IBSP: variants seen among roughly 807,000 people sequenced by gnomAD.
IBSP encodes the protein integrin-binding sialoprotein.
A neutral mutation model predicts 25.5 loss-of-function variants in IBSP; 19 were observed. The ratio of observed to expected loss-of-function variants is 0.74; its 90% CI spans 0.52 to 1.09. The LOEUF (loss-of-function observed/expected upper bound fraction) is 1.09, where lower values mean the gene tolerates loss of function less well. Among genes scored for constraint, IBSP ranks in the 50% least tolerant of loss-of-function variants. The pLI is 0.00. For missense variants in IBSP, 360 were observed against 382.3 expected (o/e 0.94, Z 0.49); for synonymous variants, 144 against 137.6 (o/e 1.05, Z -0.33).
Position 87,811,535 on chromosome 4 carries a change from CG to C in IBSP, c.581del (p.Gly194GlufsTer153). ...TEAENGNGSS[G>X]GDNGEEGEEE... ...AGGCAGAAAACGGCAACGGCAGCAG[CG>C]GAGGAGACAATGGAGAAGAAGGGGA... is the stretch of plus-strand genomic sequence containing the variant. On this transcript the variant is annotated frameshift_variant, in exon 7 of 7. Transcript: ENST00000226284. LOFTEE classifies it low-confidence loss of function (END_TRUNC). 6.2e-7 allele frequency: 1 copy of C among 1,613,832 alleles called. No individual in the cohort carries two copies. Among genetic ancestry groups the C allele is most frequent in the Non-Finnish European group, 8.5e-7 (1 of 1,179,922 alleles).
At chr4:87,808,184 CTT>C (rs547277695) in intron 5 of IBSP, among the ~76,000 whole-genome samples, 2 of 143,594 alleles carry the variant, frequency 1.4e-5, no homozygotes, top group African/African-American at 2.5e-5. Flanking sequence ...ATAAAATAAA[CTT>C]TTTTTTTTTT....
At position 87,812,182 on chromosome 4, in the gene IBSP, TG is replaced by T; in HGVS notation, c.*273del. 1 of 357,634 alleles carries T rather than the reference TG, an allele frequency of 2.8e-6. No individual in the cohort carries two copies. The highest frequency in any genetic ancestry group is 5.0e-6 in the Non-Finnish European group (1 of 201,608). 22.2% of individuals were successfully genotyped at this position (357,634 alleles called of 1,614,324 possible). A position where few individuals can be genotyped will look rare whatever the true frequency, so the allele number is the denominator to read the frequency against. ...CAAATTTCATTGAATGGTTTGAGGT[TG>T]TAGCTCTATAAATAGTAGTTTTTAA... On this transcript the variant is annotated 3_prime_UTR_variant, in exon 7 of 7. Coordinates refer to ENST00000226284, the MANE Select transcript of IBSP (RefSeq NM_004967.4).
chr4:87,811,801 A>C lies in IBSP; in HGVS notation c.845A>C (p.Asn282Thr), dbSNP rs1208358729. The C allele has an allele frequency of 6.2e-7, 1 of 1,613,096 alleles. No homozygotes were observed. The highest frequency in any genetic ancestry group is 1.3e-5 in the African/African-American group (1 of 74,876). ...DNGYEIYESE[N>T]GEPRGDNYRA... ...GGATATGAAATCTATGAAAGTGAGA[A>C]CGGGGAACCTCGTGGGGACAATTAC... Residue 282 changes from asparagine to threonine, a missense_variant, in exon 7 of 7, where the codon AAC (asparagine) becomes ACC (threonine). Asn to Thr is a moderately conservative substitution (Grantham distance 65, BLOSUM62 0). Coordinates refer to ENST00000226284, the MANE Select transcript of IBSP (RefSeq NM_004967.4).
At chr4:87,802,595 A>G in intron 3 of IBSP, 37 bp downstream of exon 3, 1 of 1,579,774 alleles carries the variant, frequency 6.3e-7, no homozygotes, top group Non-Finnish European at 8.6e-7. Context: ...GCCTGATTAT[A>G]CTTGCTGTAT....
chr4:87,809,393 A>G (rs1228178465), intron 5 of IBSP, among the ~76,000 whole-genome samples: 1 of 152,208 alleles, frequency 6.6e-6, no homozygotes, highest in African/African-American at 2.4e-5. Flanking sequence ...ATATAAGCCA[A>G]TCAGATTTTT....
At position 87,811,345 on chromosome 4, in the gene IBSP, C is replaced by A; in HGVS notation, c.406-17C>A. The A allele has an allele frequency of 6.3e-7, 1 of 1,578,248 alleles. No individual in the cohort carries two copies. The highest frequency in any genetic ancestry group is 8.6e-7 in the Non-Finnish European group (1 of 1,166,564). On this transcript the variant is annotated splice_polypyrimidine_tract_variant and intron_variant, in intron 6 of 6. Transcript: ENST00000226284. The stretch of plus-strand genomic sequence containing the variant: ...TTTCACAGCTAGATTTGGGTTCTTT[C>A]AAACGTTTCCTTACAGGCTGGGGAT...
chr4:87,811,939 T>C lies in IBSP; in HGVS notation c.*29T>C, dbSNP rs1380756112. 6.7e-7 allele frequency: 1 copy of C among 1,490,438 alleles called. No individual in the cohort carries two copies. Among genetic ancestry groups the C allele is most frequent in the East Asian group, 2.3e-5 (1 of 43,320 alleles). 92.3% of individuals were successfully genotyped at this position (1,490,438 alleles called of 1,614,324 possible). On this transcript the variant is annotated 3_prime_UTR_variant, in exon 7 of 7. Coordinates refer to ENST00000226284, the MANE Select transcript of IBSP (RefSeq NM_004967.4). ...TCCAGCCTGGGATGAATTCATCCAT[T>C]CTGGCTTTGCATCCGGCTACCATTT...
intron 5 of IBSP, among the ~76,000 whole-genome samples, chr4:87,808,120 T>G (rs1722114068): frequency 6.6e-6 from 1 of 152,172 alleles, no homozygotes; most frequent in African/African-American, 2.4e-5. Flanking sequence ...TTAGGCATAT[T>G]TTCTATTTGG....
At position 87,808,428 on chromosome 4, in the gene IBSP, G is replaced by A. The variant is rs187236675; in HGVS notation, c.247-2178G>A. ...GATCTCCTGACCTCGTGATCCGCCC[G>A]CCTCGGCCTCCCAAAGTGCTGGGAT... On this transcript the variant is annotated intron_variant, in intron 5 of 6. Transcript: ENST00000226284. Among the ~76,000 whole-genome samples, 221 of 152,182 alleles carry A rather than the reference G, an allele frequency of 1.5e-3. 1 individual carries two copies. The highest frequency in any genetic ancestry group is 0.012 in the Admixed American group (180 of 15,270).
intron 4 of IBSP, among the ~76,000 whole-genome samples, chr4:87,804,165 T>C (rs902516943): frequency 2.0e-5 from 3 of 152,202 alleles, no homozygotes; most frequent in African/African-American, 7.2e-5. Context: ...AATAAAATTA[T>C]ATACAATATA....
chr4:87,805,982 C>T, intron 4 of IBSP, 140 bp from the exon 5 acceptor site: 1 of 662,906 alleles, frequency 1.5e-6, no homozygotes, highest in Non-Finnish European at 2.6e-6. Flanking sequence ...GTAAACAAGT[C>T]AGTCAAGATG....
chr4:87,801,187 G>A (rs962911075), intron 1 of IBSP, among the ~76,000 whole-genome samples: 1 of 151,936 alleles, frequency 6.6e-6, no homozygotes, highest in Non-Finnish European at 1.5e-5. Context: ...CTGCATCTTC[G>A]ATTGTTCCAT....
At chr4:87,803,398 T>TA (rs3840301) in intron 4 of IBSP, among the ~76,000 whole-genome samples, 11 of 148,564 alleles carry the variant, frequency 7.4e-5, no homozygotes, top group South Asian at 4.3e-4. Context: ...GGAAAATAAC[T>TA]AAAAAAAAAA....
Position 87,802,746 on chromosome 4 carries a change from T to G in IBSP, c.183+15T>G. ...TTCCAGTTCAGGTAAATATAGAAATTCATTTTTCTTCAGTTTAATTTCTAT... is the reference window on the plus strand; with the variant it reads ...TTCCAGTTCAGGTAAATATAGAAATGCATTTTTCTTCAGTTTAATTTCTAT... On this transcript the variant is annotated intron_variant, in intron 4 of 6. Transcript: ENST00000226284. 1 of 1,447,588 alleles carries G rather than the reference T, an allele frequency of 6.9e-7. No homozygotes were observed. Among genetic ancestry groups the G allele is most frequent in the South Asian group, 1.5e-5 (1 of 68,758 alleles). The allele number at this position is 1,447,588 out of a possible 1,614,324, so 89.7% of individuals were successfully genotyped here.
rs773112029 is a variant in IBSP at position 87,802,519 on chromosome 4, G to C, written c.66G>C (p.Leu22Phe). Reference protein sequence around the residue: ...GMACAFSMKNLHRRVKIEDSE... With the variant: ...GMACAFSMKNFHRRVKIEDSE... ...GTTCTTTAAAACAGATGAAAAATTT[G>C]CATCGAAGAGTCAAAATAGAGGATT... is the stretch of plus-strand genomic sequence containing the variant. The change falls in exon 3 of 7, where the codon TTG becomes TTC. Residue 22 changes from leucine (L) to phenylalanine (F), a missense_variant. By Grantham distance (22) the Leu-to-Phe change is conservative. Transcript: ENST00000226284. 6.2e-7 allele frequency: 1 copy of C among 1,604,950 alleles called. No homozygotes were observed. Among genetic ancestry groups the C allele is most frequent in the South Asian group, 1.1e-5 (1 of 88,812 alleles).
At chr4:87,801,762 G>C (rs554571805) in intron 1 of IBSP, among the ~76,000 whole-genome samples, 1 of 151,830 alleles carries the variant, frequency 6.6e-6, no homozygotes, top group Non-Finnish European at 1.5e-5. Context: ...TCAGCCTCTC[G>C]AGTAACTAGG....
rs1722159856 is a variant in IBSP, at chr4:87,810,755, T to C, written c.396T>C (p.Leu132=). 1.2e-6 allele frequency: 2 copies of C among 1,609,312 alleles called. No individual in the cohort carries two copies. The highest frequency in any genetic ancestry group is 1.3e-5 in the African/African-American group (1 of 74,866). Residue 132 remains leucine, a synonymous_variant, in exon 6 of 7, where the codon CTT becomes CTC. Transcript: ENST00000226284. The stretch of plus-strand genomic sequence containing the variant: ...ATACAGGGTTAGCTGCAATCCAGCT[T>C]CCCAAGAAGGTAACAATGGAATTAT... The part of the protein sequence containing the change: ...TGYTGLAAIQ[L]PKKAGDITNK...
rs1204752001 is a variant in IBSP, at chr4:87,811,590, G to T, written c.634G>T (p.Glu212Ter). Residue 212 changes from glutamate to a stop codon, truncating the protein, a stop_gained, in exon 7 of 7, where the codon GAA becomes TAA. Coordinates refer to ENST00000226284, the MANE Select transcript of IBSP (RefSeq NM_004967.4). LOFTEE classifies it low-confidence loss of function (END_TRUNC). Reference sequence around the variant, plus strand: ...AGAAAGTGTCACTGGAGCCAATGCAGAAGACACCACAGAGACCGGAAGGCA... The same window carrying T: ...AGAAAGTGTCACTGGAGCCAATGCATAAGACACCACAGAGACCGGAAGGCA... Reference protein sequence around the residue: ...EEESVTGANAEDTTETGRQGK... With the variant: ...EEESVTGANA 1.2e-6 allele frequency: 2 copies of T among 1,613,756 alleles called. No homozygotes were observed. Among genetic ancestry groups the T allele is most frequent in the Admixed American group, 3.3e-5 (2 of 59,958 alleles).
intron 5 of IBSP, among the ~76,000 whole-genome samples, chr4:87,808,184 CT>C (rs547277695): frequency 2.2e-3 from 320 of 143,524 alleles, no homozygotes; most frequent in Middle Eastern, 7.2e-3. Context: ...ATAAAATAAA[CT>C]TTTTTTTTTT....
Sources: allele counts gnomAD v4.1 joint callset (sites outside exome capture counted in the v4.1 genomes callset), GRCh38; gene constraint gnomAD v4.1.1; transcripts MANE v1.5; gene names NCBI Gene and HGNC (gene_info 2026-07-23, HGNC 2026-07-21).